Variants in USP45 observed in about 807,000 individuals in gnomAD.
USP45 encodes ubiquitin carboxyl-terminal hydrolase 45.
In USP45, 89 loss-of-function variants were observed where a neutral mutation model predicts 95.8. That is an observed-to-expected ratio of 0.93 (90% CI 0.78 to 1.11). The LOEUF is 1.11. USP45 is among the 50% of genes least tolerant of loss of function. The pLI, the probability that USP45 is intolerant of heterozygous loss-of-function variation, is 0.00. For synonymous variants in USP45, 281 were observed against 316.2 expected, an observed-to-expected ratio of 0.89 and a Z score of 1.18; for missense variants, 898 against 942.5, an observed-to-expected ratio of 0.95 and a Z score of 0.62.
intron 6 of USP45, 28 bp downstream of exon 6, chr6:99,488,653 T>C (rs1794524318): frequency 1.9e-6 from 3 of 1,582,622 alleles, no homozygotes; most frequent in African/African-American, 1.4e-5. Context: ...ATCTTTTACA[T>C]ATTACAAAGC....
At chr6:99,482,906 A>C (rs1792781287) in intron 7 of USP45, 23 bp from the exon 8 acceptor site, 3 of 1,455,374 alleles carry the variant, frequency 2.1e-6, no homozygotes. Context: ...GATCAACTCT[A>C]TGTCAGAAAT....
At chr6:99,487,840 CTT>C (rs1562404693) in intron 7 of USP45, among the ~76,000 whole-genome samples, 1 of 151,918 alleles carries the variant, frequency 6.6e-6, no homozygotes, top group Non-Finnish European at 1.5e-5. Context: ...AAAATTTCAT[CTT>C]TCTTTAAAGA....
chr6:99,487,748 T>C (rs1204845862), intron 7 of USP45, among the ~76,000 whole-genome samples: 3 of 151,294 alleles, frequency 2.0e-5, no homozygotes, highest in African/African-American at 7.3e-5. Flanking sequence ...TGAGCTGAGA[T>C]CGCGCCACTG....
At chr6:99,461,952 A>G in intron 13 of USP45, 1 of 985,386 alleles carries the variant, frequency 1.0e-6, no homozygotes, top group Non-Finnish European at 1.2e-6. Flanking sequence ...CTGGTTCTGT[A>G]GTTGAACTAT....
intron 5 of USP45, among the ~76,000 whole-genome samples, chr6:99,498,291 T>C (rs577475209): frequency 4.3e-4 from 66 of 152,332 alleles, no homozygotes; most frequent in Non-Finnish European, 7.9e-4. Context: ...AGCTTATCTA[T>C]CTACTTCCTC....
upstream of USP45, among the ~76,000 whole-genome samples, chr6:99,517,071 T>C (rs1397751548): frequency 6.6e-6 from 1 of 152,218 alleles, no homozygotes; most frequent in Non-Finnish European, 1.5e-5. Flanking sequence ...ATTTCATTCT[T>C]TGTTTCAAAA....
intron 12 of USP45, 108 bp from the exon 13 acceptor site, chr6:99,464,855 A>G: frequency 7.8e-7 from 1 of 1,277,934 alleles, no homozygotes; most frequent in South Asian, 1.7e-5. Flanking sequence ...TTAACAAATT[A>G]TCAAAATAAA....
intron 11 of USP45, among the ~76,000 whole-genome samples, chr6:99,466,150 G>T (rs1787912549): frequency 6.6e-6 from 1 of 152,040 alleles, no homozygotes; most frequent in Non-Finnish European, 1.5e-5. Context: ...CGAGTCATTG[G>T]GACTATAGGC....
intron 5 of USP45, among the ~76,000 whole-genome samples, chr6:99,496,300 T>C (rs1407518539): frequency 6.6e-6 from 1 of 152,104 alleles, no homozygotes; most frequent in Non-Finnish European, 1.5e-5. Context: ...ATCACCTTTT[T>C]TTTTAAAGTA....
At chr6:99,462,120 C>CA (rs1562342194) in intron 13 of USP45, 5 of 980,814 alleles carry the variant, frequency 5.1e-6, no homozygotes, top group Non-Finnish European at 6.0e-6. Context: ...CCATCAAAAC[C>CA]AAAAAAAAGG....
chr6:99,477,087 A>G (rs1791053490), intron 8 of USP45, among the ~76,000 whole-genome samples: 1 of 152,240 alleles, frequency 6.6e-6, no homozygotes, highest in Admixed American at 6.5e-5. Flanking sequence ...GTCAAAATAC[A>G]AAATAATTAG....
intron 4 of USP45, among the ~76,000 whole-genome samples, chr6:99,504,229 C>T (rs1285141453): frequency 6.6e-6 from 1 of 152,244 alleles, no homozygotes; most frequent in Non-Finnish European, 1.5e-5. Flanking sequence ...CAGCCTCTGC[C>T]TCCAGGGTTC....
At position 99,446,457 on chromosome 6, in the gene USP45, G is replaced by A; in HGVS notation, c.1315C>T (p.Leu439=). ...KHSSSKDKSQ[L]IHDRKCIRKL... ...CTAATACATTTTCGGTCATGAATTA[G>A]TTGACTCTGTAAGTTGACAGTGTTT... is the stretch of plus-strand genomic sequence containing the variant. The change falls in exon 14 of 18, where the codon CTA becomes TTA. Residue 439 remains leucine, a synonymous_variant. Transcript: ENST00000500704. 6.2e-7 allele frequency: 1 copy of A among 1,610,254 alleles called. No homozygotes were observed. Among genetic ancestry groups the A allele is most frequent in the Non-Finnish European group, 8.5e-7 (1 of 1,178,922 alleles).
chr6:99,446,842 C>T (rs1782654247), intron 13 of USP45, among the ~76,000 whole-genome samples: 1 of 152,190 alleles, frequency 6.6e-6, no homozygotes, highest in African/African-American at 2.4e-5. Context: ...CTCTCGGACT[C>T]AAGTGATCCT....
intron 14 of USP45, among the ~76,000 whole-genome samples, chr6:99,444,611 T>TG (rs1414256461): frequency 6.6e-6 from 1 of 152,188 alleles, no homozygotes; most frequent in African/African-American, 2.4e-5. Flanking sequence ...ACTATCCACT[T>TG]GCTGTAATCA....
intron 13 of USP45, among the ~76,000 whole-genome samples, chr6:99,450,609 G>A (rs1447230454): frequency 2.0e-5 from 3 of 152,150 alleles, no homozygotes; most frequent in Non-Finnish European, 2.9e-5. Context: ...AGAGGTACAA[G>A]GAGGAGCTGG....
chr6:99,497,515 C>T (rs1338074379), intron 5 of USP45, among the ~76,000 whole-genome samples: 1 of 152,192 alleles, frequency 6.6e-6, no homozygotes. Context: ...TAATAATTAG[C>T]TTGCCAGTTT....
chr6:99,498,943 A>C (rs1303914755), intron 5 of USP45, among the ~76,000 whole-genome samples: 1 of 152,064 alleles, frequency 6.6e-6, no homozygotes, highest in Non-Finnish European at 1.5e-5. Context: ...CATAGTATTT[A>C]TTTCATTTTT....
At chr6:99,498,414 T>C (rs978558568) in intron 5 of USP45, among the ~76,000 whole-genome samples, 3 of 152,222 alleles carry the variant, frequency 2.0e-5, no homozygotes, top group Non-Finnish European at 4.4e-5. Context: ...CCTACAGTCT[T>C]GAGAGAAAAT....
Sources: allele counts gnomAD v4.1 joint callset (sites outside exome capture counted in the v4.1 genomes callset), GRCh38; gene constraint gnomAD v4.1.1; transcripts MANE v1.5; gene names NCBI Gene and HGNC (gene_info 2026-07-23, HGNC 2026-07-21).